SNURF: variants seen among roughly 807,000 people sequenced by gnomAD.
SNURF encodes SNURF protein.
In SNURF, 6 loss-of-function variants were observed where a neutral mutation model predicts 11.6. The ratio of observed to expected loss-of-function variants is 0.52; its 90% confidence interval spans 0.28 to 1.02. SNURF has a LOEUF of 1.02. Ranked by LOEUF, SNURF falls within the 50% of genes least tolerant of loss-of-function variation. SNURF has a pLI of 0.09. For missense variants in SNURF, 84 were observed against 88.4 expected (o/e 0.95, Z 0.20); for synonymous variants, 29 against 31.6 (o/e 0.92, Z 0.27).
At position 24,974,473 on chromosome 15, in the gene SNURF, G is replaced by A. The variant is rs2076830587; in HGVS notation, c.*46-885G>A. 5.6e-6 allele frequency: 9 copies of A among 1,613,350 alleles called. No homozygotes were observed. In the East Asian group the frequency reaches 1.3e-4, roughly 24 times the overall value. ...GCAATCATGGTAAGCTGTATGATAA[G>A]GCTGAGGGTTGAAATGTGCTGTAAG... On this transcript the variant is annotated intron_variant and NMD_transcript_variant, in intron 3 of 6. Transcript: ENST00000580062.
intron 1 of SNURF, 132 bp downstream of exon 1, chr15:24,955,194 G>A: frequency 2.4e-6 from 3 of 1,236,680 alleles, no homozygotes; most frequent in East Asian, 2.5e-5. Context: ...CTTTGTTCTG[G>A]AGAACCAGAT....
At chr15:24,964,339 G>A (rs1052747990) in intron 2 of SNURF, among the ~76,000 whole-genome samples, 3 of 151,772 alleles carry the variant, frequency 2.0e-5, no homozygotes, top group African/African-American at 7.3e-5. Flanking sequence ...TTTTTGAGAC[G>A]GAGTTTTGCT....
intron 3 of SNURF, chr15:24,975,074 C>T (rs1406101401): frequency 1.5e-6 from 1 of 675,600 alleles, no homozygotes; most frequent in Non-Finnish European, 2.7e-6. Context: ...GTTTGGTTTA[C>T]TTAGGGGAGT....
At chr15:24,956,426 C>T (rs1462391223) in intron 1 of SNURF, among the ~76,000 whole-genome samples, 3 of 151,902 alleles carry the variant, frequency 2.0e-5, no homozygotes, top group Non-Finnish European at 4.4e-5. Flanking sequence ...TCAGCTTCTG[C>T]TGTTTCGGAG....
chr15:24,977,282 A>G (rs1329662456), intron 6 of SNURF, among the ~76,000 whole-genome samples: 1 of 152,180 alleles, frequency 6.6e-6, no homozygotes, highest in Non-Finnish European at 1.5e-5. Context: ...GAATGCATGG[A>G]TATACCACAG....
chr15:24,958,159 TTA>T (rs1412886753), intron 1 of SNURF, among the ~76,000 whole-genome samples: 4 of 152,232 alleles, frequency 2.6e-5, no homozygotes, highest in South Asian at 2.1e-4. Context: ...CTCTGTATCT[TTA>T]TGTTTCCCTT....
intron 1 of SNURF, among the ~76,000 whole-genome samples, chr15:24,960,805 A>G (rs2074662504): frequency 6.6e-6 from 1 of 152,296 alleles, no homozygotes; most frequent in East Asian, 1.9e-4. Context: ...TTGAGGTGTG[A>G]GTGACATACA....
At chr15:24,977,361 C>T (rs115325740) in intron 6 of SNURF, among the ~76,000 whole-genome samples, 5,909 of 152,104 alleles carry the variant, frequency 0.039, 378 homozygotes, top group African/African-American at 0.13. Context: ...GGGAATAGGC[C>T]GGGTGCAGTG....
downstream of SNURF, among the ~76,000 whole-genome samples, chr15:24,973,136 A>G (rs1596322471): frequency 6.6e-6 from 1 of 151,460 alleles, no homozygotes; most frequent in African/African-American, 2.4e-5. Flanking sequence ...TGATCCGCCC[A>G]CCTCGGTTTC....
At chr15:24,962,641 G>A (rs1014664952) in intron 2 of SNURF, among the ~76,000 whole-genome samples, 20 of 151,998 alleles carry the variant, frequency 1.3e-4, no homozygotes, top group Admixed American at 6.6e-5. Context: ...ATACATTTGT[G>A]TTTTTTATCC....
At chr15:24,975,361 G>A (rs751103846) in exon 4 of SNURF, 1 of 1,613,166 alleles carries the variant, frequency 6.2e-7, no homozygotes, top group South Asian at 1.1e-5. Flanking sequence ...CTTCTAGACT[G>A]TTGGCAAGAG....
intron 2 of SNURF, among the ~76,000 whole-genome samples, chr15:24,963,452 T>C (rs1031152735): frequency 2.0e-5 from 3 of 151,546 alleles, no homozygotes; most frequent in Admixed American, 6.6e-5. Context: ...CCGTCTCTCC[T>C]AAAAATACAA....
intron 1 of SNURF, among the ~76,000 whole-genome samples, chr15:24,955,622 A>C (rs1009244577): frequency 5.7e-5 from 7 of 123,826 alleles, no homozygotes; most frequent in African/African-American, 2.2e-4. Context: ...AATTCGTCGC[A>C]GTGACCGAGG....
chr15:24,963,181 A>T (rs562096431), intron 2 of SNURF, among the ~76,000 whole-genome samples: 1 of 152,360 alleles, frequency 6.6e-6, no homozygotes, highest in African/African-American at 2.4e-5. Flanking sequence ...TGATCTTTTC[A>T]TATCAGTACA....
At chr15:24,962,332 A>G (rs1335049846) in intron 2 of SNURF, 123 bp downstream of exon 2, 3 of 756,902 alleles carry the variant, frequency 4.0e-6, no homozygotes, top group Non-Finnish European at 6.9e-6. Flanking sequence ...TCTAATACAG[A>G]AGATGTAGTA....
rs2074921664 is a variant in SNURF at position 24,962,058 on chromosome 15, G to C, written c.15-56G>C. On this transcript the variant is annotated intron_variant, in intron 1 of 2. Transcript: ENST00000577949. The stretch of plus-strand genomic sequence containing the variant: ...GTTCTAAATATAACCTTGACAAATA[G>C]TTATTTCATAGATTGATGCAGTCTA... 1.2e-4 allele frequency: 163 copies of C among 1,362,712 alleles called. 1 individual carries two copies. The South Asian group carries it at 1.8e-3, about 15-fold the overall frequency. The allele number at this position is 1,362,712 out of a possible 1,614,324, so 84.4% of individuals were successfully genotyped here.
chr15:24,961,966 G>A (rs184644649), intron 1 of SNURF, 148 bp from the exon 2 acceptor site: 900 of 775,366 alleles, frequency 1.2e-3, no homozygotes, highest in Non-Finnish European at 1.6e-3. Flanking sequence ...ACTGTTTGAA[G>A]GTTAAAGATC....
At chr15:24,975,554 G>T in intron 4 of SNURF, 1 of 1,549,222 alleles carries the variant, frequency 6.5e-7, no homozygotes. Flanking sequence ...AGAGGCAGTG[G>T]GAAGGGAAGG....
intron 6 of SNURF, among the ~76,000 whole-genome samples, chr15:24,977,384 A>T (rs543688614): frequency 6.6e-6 from 1 of 152,072 alleles, no homozygotes; most frequent in Non-Finnish European, 1.5e-5. Flanking sequence ...TTACGCCTGT[A>T]ATCCAGCACT....
Sources: allele counts gnomAD v4.1 joint callset (sites outside exome capture counted in the v4.1 genomes callset), GRCh38; gene constraint gnomAD v4.1.1; transcripts MANE v1.5; gene names NCBI Gene and HGNC (gene_info 2026-07-23, HGNC 2026-07-21).